FERMT3: variants seen among roughly 807,000 people sequenced by gnomAD.
FERMT3 encodes the protein FERM domain containing kindlin 3, also known as fermitin family homolog 3.
Under a neutral mutation model 80.8 loss-of-function variants are expected in FERMT3, and 33 were observed. The ratio of observed to expected loss-of-function variants is 0.41; its 90% CI spans 0.31 to 0.55. The LOEUF is 0.55. Among genes scored for constraint, FERMT3 ranks in the 20% least tolerant of loss-of-function variants. The probability of loss-of-function intolerance (pLI) is 0.31; values close to 1 mark genes in which losing one functional copy is unlikely to be tolerated. For synonymous variants in FERMT3, 375 were observed against 372.2 expected, an observed-to-expected ratio of 1.01 and a Z score of -0.09; for missense variants, 754 against 908.7, an observed-to-expected ratio of 0.83 and a Z score of 2.19.
rs1007116205 is a variant in FERMT3, at chr11:64,223,776, A to G, written c.*284A>G. 1.1e-6 allele frequency: 1 copy of G among 923,092 alleles called. No homozygotes were observed. The highest frequency in any genetic ancestry group is 2.6e-5 in the East Asian group (1 of 38,270). The allele number at this position is 923,092 out of a possible 1,614,324, so 57.2% of individuals were successfully genotyped here. Reference sequence around the variant, plus strand: ...CCTGACCTATCTGCAGTCCCCCAGCACACAAGGAAGACCAGATGTAGCTAC... The same window carrying G: ...CCTGACCTATCTGCAGTCCCCCAGCGCACAAGGAAGACCAGATGTAGCTAC... On this transcript the variant is annotated 3_prime_UTR_variant, in exon 15 of 15. Coordinates refer to ENST00000345728, the MANE Select transcript of FERMT3 (RefSeq NM_031471.6).
rs772203611 is a variant in FERMT3, at chr11:64,211,304, C to T, written c.544C>T (p.Pro182Ser). 6.2e-7 allele frequency: 1 copy of T among 1,613,388 alleles called. No homozygotes were observed. The highest frequency in any genetic ancestry group is 2.2e-5 in the East Asian group (1 of 44,864). The change falls in exon 5 of 15, where the codon CCA (proline) becomes TCA (serine). Residue 182 changes from proline to serine, a missense_variant. Physicochemically the swap from Pro to Ser is moderately conservative, Grantham distance 74. Coordinates refer to ENST00000345728, the MANE Select transcript of FERMT3 (RefSeq NM_031471.6). The surrounding 1 kb of genome is among the most constrained non-coding windows in gnomAD (Gnocchi z 4.7). ...GVAPALFRGM[P>S]AHFSDSAQTE... ...GGCACCTGCACTGTTCCGGGGGATGCCAGCTCACTTCTCGGACAGCGCCCA... is the reference window on the plus strand; with the variant it reads ...GGCACCTGCACTGTTCCGGGGGATGTCAGCTCACTTCTCGGACAGCGCCCA...
rs954242087 is a variant in FERMT3 at position 64,223,757 on chromosome 11, C to T, written c.*265C>T. On this transcript the variant is annotated 3_prime_UTR_variant, in exon 15 of 15. Coordinates refer to ENST00000345728, the MANE Select transcript of FERMT3 (RefSeq NM_031471.6). Reference sequence around the variant, plus strand: ...AGTGGCTGAGGCTGATACCCCTGACCTATCTGCAGTCCCCCAGCACACAAG... The same window carrying T: ...AGTGGCTGAGGCTGATACCCCTGACTTATCTGCAGTCCCCCAGCACACAAG... The T allele has an allele frequency of 5.3e-5, 43 of 817,642 alleles. No individual in the cohort carries two copies. The highest frequency in any genetic ancestry group is 7.8e-5 in the Admixed American group (3 of 38,608). 50.6% of individuals were successfully genotyped at this position (817,642 alleles called of 1,614,324 possible). A position where few individuals can be genotyped will look rare whatever the true frequency, so the allele number is the denominator to read the frequency against.
chr11:64,206,813 A>T lies in FERMT3; in HGVS notation c.-16A>T, dbSNP rs1452552564. Reference sequence around the variant, plus strand: ...TGCAGCCCCCAGCCCTTGCCAGGAAAGGTAAGCTCAGGCCTCACTGGGACC... The same window carrying T: ...TGCAGCCCCCAGCCCTTGCCAGGAATGGTAAGCTCAGGCCTCACTGGGACC... On this transcript the variant is annotated splice_region_variant and 5_prime_UTR_variant, in exon 1 of 15. The change creates a new upstream start codon in the 5' untranslated region. Coordinates refer to ENST00000345728, the MANE Select transcript of FERMT3 (RefSeq NM_031471.6). 1 of 154,404 alleles carries T rather than the reference A, an allele frequency of 6.5e-6. No homozygotes were observed. Among genetic ancestry groups the T allele is most frequent in the East Asian group, 1.9e-4 (1 of 5,334 alleles). The allele number at this position is 154,404 out of a possible 1,614,324, so 9.6% of individuals were successfully genotyped here. A position where few individuals can be genotyped will look rare whatever the true frequency, so the allele number is the denominator to read the frequency against.
chr11:64,221,275 C>A, intron 13 of FERMT3, 135 bp downstream of exon 13: 1 of 876,334 alleles, frequency 1.1e-6, no homozygotes, highest in Non-Finnish European at 1.8e-6. Context: ...TCTTTGTAAG[C>A]AGGCCTTACT....
chr11:64,207,484 G>C lies in FERMT3; in HGVS notation c.120G>C (p.Ser40=). ...TCACCCTGCGGGTCACTGGGGAGTCGCACATCGGCGGGGTGCTCCTGAAGA... is the reference window on the plus strand; with the variant it reads ...TCACCCTGCGGGTCACTGGGGAGTCCCACATCGGCGGGGTGCTCCTGAAGA... The part of the protein sequence containing the change: ...ESVTLRVTGE[S]HIGGVLLKIV... Residue 40 remains serine (S), a synonymous_variant, in exon 2 of 15, where the codon TCG becomes TCC. Coordinates refer to ENST00000345728, the MANE Select transcript of FERMT3 (RefSeq NM_031471.6). 6.2e-7 allele frequency: 1 copy of C among 1,613,644 alleles called. No individual in the cohort carries two copies. The highest frequency in any genetic ancestry group is 1.1e-5 in the South Asian group (1 of 91,040).
In FERMT3 at chr11:64,219,719, C is replaced by T. The variant is rs1220309465; in HGVS notation, c.1030-21C>T. The T allele has an allele frequency of 6.2e-7, 1 of 1,613,712 alleles. No individual in the cohort carries two copies. Among genetic ancestry groups the T allele is most frequent in the Non-Finnish European group, 8.5e-7 (1 of 1,179,956 alleles). On this transcript the variant is annotated intron_variant, in intron 8 of 14. Transcript: ENST00000345728. This position sits in a 1 kb window ranked among gnomAD's most constrained non-coding sequence, Gnocchi z 4.0. ...GAACTGTGAGGTACCGGGTGCCCCT[C>T]TGACTCTGGTCCTCCCATAGGACAG...
At chr11:64,207,328 G>A (rs1032163277) in intron 1 of FERMT3, 23 bp from the exon 2 acceptor site, 20 of 1,613,874 alleles carry the variant, frequency 1.2e-5, no homozygotes, top group Non-Finnish European at 1.7e-5. Flanking sequence ...TGCCCACCTT[G>A]CCTCCTTCCA....
chr11:64,217,908 G>A (rs1428320840), intron 6 of FERMT3, among the ~76,000 whole-genome samples: 2 of 152,156 alleles, frequency 1.3e-5, no homozygotes. Context: ...TACCAGACAG[G>A]AGAGGGACAA....
In FERMT3 at chr11:64,223,295, C is replaced by T. The variant is rs765572035; in HGVS notation, c.1813-18C>T. 3 of 1,613,752 alleles carry T rather than the reference C, an allele frequency of 1.9e-6. No individual in the cohort carries two copies. The highest frequency in any genetic ancestry group is 1.7e-6 in the Non-Finnish European group (2 of 1,180,028). The stretch of plus-strand genomic sequence containing the variant: ...TCCCTTATCCCACCCACCATTTGCC[C>T]CTCTGTCTGCCCTTCAGGTGGCCAT... On this transcript the variant is annotated intron_variant, in intron 14 of 14. Transcript: ENST00000345728.
At chr11:64,214,168 C>CTTTTTTTTTTTTT in intron 6 of FERMT3, among the ~76,000 whole-genome samples, 1 of 113,454 alleles carries the variant, frequency 8.8e-6, no homozygotes, top group Non-Finnish European at 1.7e-5. Flanking sequence ...TCATAATTGC[C>CTTTTTTTTTTTTT]TTTTTTTTTT....
rs746038577 is a variant in FERMT3, at chr11:64,219,397, G to A, written c.894+39G>A. 2 of 1,569,640 alleles carry A rather than the reference G, an allele frequency of 1.3e-6. No homozygotes were observed. Among genetic ancestry groups the A allele is most frequent in the Non-Finnish European group, 1.7e-6 (2 of 1,158,028 alleles). On this transcript the variant is annotated intron_variant, in intron 7 of 14. Transcript: ENST00000345728. The surrounding 1 kb of genome is among the most constrained non-coding windows in gnomAD (Gnocchi z 4.0). ...CTGGGGGCACCAGGGCAGGTGGGAG[G>A]TGAGCCAGTCCCAGGGCAGGAAGGG...
chr11:64,211,584 C>G lies in FERMT3; in HGVS notation c.684-61C>G. ...TGTGCTTGTCCCCCCAGCCCAGCCC[C>G]CCTCCCCACCCCACGGCCGTACCTG... On this transcript the variant is annotated intron_variant, in intron 5 of 14. Transcript: ENST00000345728. This position sits in a 1 kb window ranked among gnomAD's most constrained non-coding sequence, Gnocchi z 4.7. 6.4e-7 allele frequency: 1 copy of G among 1,566,900 alleles called. No individual in the cohort carries two copies. The highest frequency in any genetic ancestry group is 8.7e-7 in the Non-Finnish European group (1 of 1,152,548).
At chr11:64,222,268 T>C (rs1946708510) in intron 13 of FERMT3, among the ~76,000 whole-genome samples, 2 of 143,188 alleles carry the variant, frequency 1.4e-5, no homozygotes, top group Admixed American at 1.4e-4. Flanking sequence ...AATAAATAAA[T>C]AAATAAATAA....
Position 64,211,356 on chromosome 11 carries a change from G to T in FERMT3, c.596G>T (p.Ser199Ile). The change falls in exon 5 of 15, where the codon AGC (serine) becomes ATC (isoleucine). Residue 199 changes from serine (S) to isoleucine (I), a missense_variant. Ser to Ile is a moderately radical substitution (Grantham distance 142). Coordinates refer to ENST00000345728, the MANE Select transcript of FERMT3 (RefSeq NM_031471.6). The surrounding 1 kb of genome is among the most constrained non-coding windows in gnomAD (Gnocchi z 4.7). ...AQTEACYHML[S>I]RPQPPPDPLL... The stretch of plus-strand genomic sequence containing the variant: ...ACTGAGGCCTGCTACCACATGCTGA[G>T]CCGGCCCCAGCCGCCACCCGACCCC... 2 of 1,610,746 alleles carry T rather than the reference G, an allele frequency of 1.2e-6. No homozygotes were observed. The highest frequency in any genetic ancestry group is 1.7e-6 in the Non-Finnish European group (2 of 1,179,180).
intron 13 of FERMT3, 112 bp from the exon 14 acceptor site, chr11:64,222,936 T>C: frequency 6.9e-7 from 1 of 1,454,828 alleles, no homozygotes; most frequent in Non-Finnish European, 9.5e-7. Flanking sequence ...GTTACACAGC[T>C]GGTGAGCTGC....
rs543307968 is a variant in FERMT3, at chr11:64,207,573, C to T, written c.160+49C>T. 11 of 1,568,112 alleles carry T rather than the reference C, an allele frequency of 7.0e-6. No individual in the cohort carries two copies. In the South Asian group the frequency reaches 1.1e-4, roughly 15 times the overall value. On this transcript the variant is annotated intron_variant, in intron 2 of 14. Transcript: ENST00000345728. ...TGAACTCGGCACCATGGGCGGCCGC[C>T]ACGGGTGTCTCTGGGCACTTCCGGG...
Position 64,211,462 on chromosome 11 carries a change from C to G in FERMT3, c.683+19C>G, listed in dbSNP as rs759456987. ...ACAGCAGGTGCACCCAGGAGCCACGCCCCCTGTGTCAGGGCTCCCCCACCC... is the reference window on the plus strand; with the variant it reads ...ACAGCAGGTGCACCCAGGAGCCACGGCCCCTGTGTCAGGGCTCCCCCACCC... On this transcript the variant is annotated intron_variant, in intron 5 of 14. Transcript: ENST00000345728. This position sits in a 1 kb window ranked among gnomAD's most constrained non-coding sequence, Gnocchi z 4.7. 46 of 1,568,668 alleles carry G rather than the reference C, an allele frequency of 2.9e-5. No homozygotes were observed. Among genetic ancestry groups the G allele is most frequent in the African/African-American group, 5.4e-5 (4 of 73,984 alleles).
At chr11:64,221,966 C>T (rs1425801197) in intron 13 of FERMT3, among the ~76,000 whole-genome samples, 1 of 149,174 alleles carries the variant, frequency 6.7e-6, no homozygotes, top group African/African-American at 2.5e-5. Context: ...AGGCGGGGCA[C>T]GGTGGTTCAC....
At chr11:64,206,223 A>C (rs1946308637), upstream of FERMT3, among the ~76,000 whole-genome samples, 1 of 152,198 alleles carries the variant, frequency 6.6e-6, no homozygotes. Context: ...AGGTAGCCCT[A>C]CGCGGAGCTA....
Sources: allele counts gnomAD v4.1 joint callset (sites outside exome capture counted in the v4.1 genomes callset), GRCh38; gene constraint gnomAD v4.1.1; non-coding constraint Gnocchi (gnomAD v3.1); transcripts MANE v1.5; gene names NCBI Gene and HGNC (gene_info 2026-07-23, HGNC 2026-07-21).